The following KLF7 variants were observed in gnomAD, a reference collection of about 807,000 sequenced individuals.
KLF7 encodes Krueppel-like factor 7.
KLF7 carries 2 observed loss-of-function variants against 27.3 expected under a neutral mutation model. That is an observed-to-expected ratio of 0.07 (90% CI 0.03 to 0.23). KLF7 has a LOEUF of 0.23. KLF7 is among the 10% of genes least tolerant of loss of function. The pLI is 1.00. For missense variants in KLF7, 221 were observed against 394.1 expected (o/e 0.56, Z 3.72); for synonymous variants, 165 against 162.4 (o/e 1.02, Z -0.12).
At chr2:207,102,125 TTCACACACACACACAC>T (rs1173513893) in intron 2 of KLF7, among the ~76,000 whole-genome samples, 2 of 121,228 alleles carry the variant, frequency 1.6e-5, no homozygotes, top group African/African-American at 3.0e-5. Flanking sequence ...TACATTCACA[TTCACACACACACACAC>T]ACACACACAC....
Position 207,081,282 on chromosome 2 carries a change from C to T in KLF7, c.858-18G>A. 1.2e-6 allele frequency: 2 copies of T among 1,607,680 alleles called. No homozygotes were observed. Among genetic ancestry groups the T allele is most frequent in the Non-Finnish European group, 1.7e-6 (2 of 1,174,162 alleles). On this transcript the variant is annotated intron_variant, in intron 3 of 3. Transcript: ENST00000309446. ...AAAAACACCTAGGAGATATAAACAA[C>T]AAGGATATTAGAGAACTCCCAGCAA...
intron 1 of KLF7, among the ~76,000 whole-genome samples, chr2:207,126,793 G>A (rs1379714468): frequency 3.4e-5 from 5 of 146,052 alleles, no homozygotes; most frequent in Admixed American, 2.8e-4. Flanking sequence ...GCAAGACAGC[G>A]AGACCCTGTT....
At chr2:207,120,028 A>C (rs1474715418) in intron 2 of KLF7, among the ~76,000 whole-genome samples, 1 of 152,016 alleles carries the variant, frequency 6.6e-6, no homozygotes, top group Non-Finnish European at 1.5e-5. Context: ...CTTTCACTAA[A>C]TCCTGCTACT....
chr2:207,154,225 C>T (rs922287125), intron 1 of KLF7, among the ~76,000 whole-genome samples: 4 of 152,094 alleles, frequency 2.6e-5, no homozygotes, highest in African/African-American at 9.7e-5. Flanking sequence ...GCAGTAAGCT[C>T]AGTCATCAGG....
chr2:207,110,343 T>A (rs1051852979), intron 2 of KLF7, among the ~76,000 whole-genome samples: 1 of 152,250 alleles, frequency 6.6e-6, no homozygotes, highest in Non-Finnish European at 1.5e-5. Flanking sequence ...AAAGTTTTAT[T>A]TTCCCACGGA....
chr2:207,094,793 A>G (rs964642128), intron 2 of KLF7, among the ~76,000 whole-genome samples: 17 of 140,682 alleles, frequency 1.2e-4, no homozygotes, highest in Non-Finnish European at 2.3e-4. Context: ...TGGGTCTTAA[A>G]TATTTTTTTT....
chr2:207,086,632 C>T (rs2076395663), intron 3 of KLF7, among the ~76,000 whole-genome samples: 4 of 152,220 alleles, frequency 2.6e-5, no homozygotes. Flanking sequence ...CGGTTTGGAA[C>T]ATTTCTCCAC....
At chr2:207,099,861 G>A (rs1364543617) in intron 2 of KLF7, among the ~76,000 whole-genome samples, 1 of 152,110 alleles carries the variant, frequency 6.6e-6, no homozygotes, top group African/African-American at 2.4e-5. Flanking sequence ...CAGATGTGGT[G>A]GCTCACACCT....
chr2:207,111,608 T>G (rs2077039725), intron 2 of KLF7, among the ~76,000 whole-genome samples: 1 of 152,150 alleles, frequency 6.6e-6, no homozygotes, highest in African/African-American at 2.4e-5. Context: ...AAAGCAGGTT[T>G]TCAGGACTGA....
intron 1 of KLF7, among the ~76,000 whole-genome samples, chr2:207,162,838 G>A (rs940493414): frequency 6.6e-6 from 1 of 152,156 alleles, no homozygotes; most frequent in Non-Finnish European, 1.5e-5. Context: ...ATCTCCATGA[G>A]CCCAGGTACA....
intron 1 of KLF7, among the ~76,000 whole-genome samples, chr2:207,142,485 A>G (rs2077971241): frequency 2.0e-5 from 3 of 152,238 alleles, no homozygotes; most frequent in African/African-American, 7.2e-5. Context: ...ATGGTATCAC[A>G]GGAAGAGAGG....
In KLF7 at chr2:207,143,494, C is replaced by T. The variant is rs965752387; in HGVS notation, c.103-19090G>A. On this transcript the variant is annotated intron_variant, in intron 1 of 3. Transcript: ENST00000309446. Reference sequence around the variant, plus strand: ...TTGTCAGTTGAGGGAACTGAAGGTTCGGAGTCTGGGTATGTTTTTCTGCTT... The same window carrying T: ...TTGTCAGTTGAGGGAACTGAAGGTTTGGAGTCTGGGTATGTTTTTCTGCTT... Among the ~76,000 whole-genome samples the T allele has an allele frequency of 4.6e-5, 7 of 151,558 alleles. No homozygotes were observed. The South Asian group carries it at 6.2e-4, about 13-fold the overall frequency.
At chr2:207,086,112 T>A (rs998002134) in intron 3 of KLF7, among the ~76,000 whole-genome samples, 7 of 152,176 alleles carry the variant, frequency 4.6e-5, no homozygotes, top group Admixed American at 2.6e-4. Context: ...CTACTTAACT[T>A]CTAAATAGGG....
intron 2 of KLF7, among the ~76,000 whole-genome samples, chr2:207,107,628 A>G (rs1000388096): frequency 6.6e-6 from 1 of 151,898 alleles, no homozygotes; most frequent in African/African-American, 2.4e-5. Context: ...GTTCCTAAGC[A>G]CTCCCCACCG....
chr2:207,098,012 C>G (rs985376261), intron 2 of KLF7, among the ~76,000 whole-genome samples: 2 of 152,152 alleles, frequency 1.3e-5, no homozygotes, highest in African/African-American at 4.8e-5. Flanking sequence ...TGTAAACTCA[C>G]TTAAGAATTT....
chr2:207,154,903 T>C (rs1218432692), intron 1 of KLF7, among the ~76,000 whole-genome samples: 1 of 152,174 alleles, frequency 6.6e-6, no homozygotes, highest in Non-Finnish European at 1.5e-5. Flanking sequence ...TCCAGTCCTT[T>C]TACAGATAAG....
intron 2 of KLF7, among the ~76,000 whole-genome samples, chr2:207,109,515 T>C (rs1011873623): frequency 1.3e-5 from 2 of 152,174 alleles, no homozygotes; most frequent in African/African-American, 4.8e-5. Flanking sequence ...ACAATGGGTA[T>C]AATGAGAAGA....
chr2:207,167,014 T>A, upstream of KLF7: 5 of 820,102 alleles, frequency 6.1e-6, no homozygotes, highest in Non-Finnish European at 1.6e-6. Context: ...GTCCGGCGGC[T>A]AGAGTTGATT....
In KLF7 at chr2:207,099,421, A is replaced by G. The variant is rs1007749568; in HGVS notation, c.734-10840T>C. Reference sequence around the variant, plus strand: ...GTGGTCACCCATTGGTACGTATCACATTAGTTGACAATGTCTAATTTACTT... The same window carrying G: ...GTGGTCACCCATTGGTACGTATCACGTTAGTTGACAATGTCTAATTTACTT... On this transcript the variant is annotated intron_variant, in intron 2 of 3. Transcript: ENST00000309446. Among the ~76,000 whole-genome samples the G allele has an allele frequency of 2.6e-5, 4 of 152,002 alleles. No homozygotes were observed. The South Asian group carries it at 8.3e-4, about 32-fold the overall frequency.
Sources: gnomAD v4.1 joint callset for allele counts (sites outside exome capture counted in the v4.1 genomes callset) on GRCh38, gnomAD v4.1.1 for gene constraint, MANE v1.5 for transcripts, NCBI Gene and HGNC (gene_info 2026-07-23, HGNC 2026-07-21) for gene names.